Variants in NCAM1 observed in about 807,000 individuals in gnomAD.
The protein encoded by NCAM1 is antigen recognized by monoclonal antibody 5.1H11.
A neutral mutation model predicts 109.8 loss-of-function variants in NCAM1; 14 were observed. The observed-to-expected ratio is 0.13, with a 90% confidence interval of 0.08 to 0.20. The LOEUF (loss-of-function observed/expected upper bound fraction) is 0.20. Among genes scored for constraint, NCAM1 ranks in the 10% least tolerant of loss-of-function variants. The pLI is 1.00. For synonymous variants in NCAM1, 418 were observed against 442.9 expected, an observed-to-expected ratio of 0.94 and a Z score of 0.70; for missense variants, 774 against 1,109.9, an observed-to-expected ratio of 0.70 and a Z score of 4.30.
chr11:113,180,742 A>G (rs1555107825), intron 1 of NCAM1, among the ~76,000 whole-genome samples: 1 of 152,228 alleles, frequency 6.6e-6, no homozygotes, highest in South Asian at 2.1e-4. Flanking sequence ...AAGAGAAAGG[A>G]AATGGACTTT....
Position 113,277,175 on chromosome 11 carries a change from C to A in NCAM1, c.*1788C>A. On this transcript the variant is annotated 3_prime_UTR_variant, in exon 20 of 20. Transcript: ENST00000316851. ...TGCGCTCCTCTCCTAAGGTACAAAG[C>A]AGCAAGAGGTTAGGGTGGCAAGGCT... 1 of 396,772 alleles carries A rather than the reference C, an allele frequency of 2.5e-6. No individual in the cohort carries two copies. Among genetic ancestry groups the A allele is most frequent in the Non-Finnish European group, 4.4e-6 (1 of 225,210 alleles). 24.6% of individuals were successfully genotyped at this position (396,772 alleles called of 1,614,324 possible). A position where few individuals can be genotyped will look rare whatever the true frequency, so the allele number is the denominator to read the frequency against.
Position 113,275,496 on chromosome 11 carries a change from A to G in NCAM1, c.*109A>G. ...CACGCACGCACACACACAAACACAC[A>G]TGCACACACACACATCTCATTTCTC... is the stretch of plus-strand genomic sequence containing the variant. On this transcript the variant is annotated 3_prime_UTR_variant, in exon 20 of 20. Transcript: ENST00000316851. The G allele has an allele frequency of 1.6e-6, 2 of 1,288,024 alleles. No individual in the cohort carries two copies. Among genetic ancestry groups the G allele is most frequent in the South Asian group, 2.9e-5 (2 of 69,588 alleles). The allele number at this position is 1,288,024 out of a possible 1,614,324, so 79.8% of individuals were successfully genotyped here.
Position 113,060,115 on chromosome 11 carries a change from T to C in NCAM1, c.52+98451T>C, listed in dbSNP as rs76228155. Among the ~76,000 whole-genome samples, 231 of 152,370 alleles carry C rather than the reference T, an allele frequency of 1.5e-3. 7 individuals are homozygous for C. The East Asian group carries it at 0.037, about 24-fold the overall frequency. ...TTTAAGATTAAATTATTCCTGACTT[T>C]ATAATATTTGTCTCTAGGTTTTGTA... is the stretch of plus-strand genomic sequence containing the variant. On this transcript the variant is annotated intron_variant, in intron 1 of 19. Transcript: ENST00000316851.
chr11:113,273,112 C>G lies in NCAM1; in HGVS notation c.2456+1236C>G. ...GCCACGGCCACGCCTGACTCAAACT[C>G]TGTACCGGCTGGCCAGGCCACCCCT... is the stretch of plus-strand genomic sequence containing the variant. On this transcript the variant is annotated intron_variant, in intron 19 of 19. Transcript: ENST00000316851. This position sits in a 1 kb window ranked among gnomAD's most constrained non-coding sequence, Gnocchi z 6.0. The G allele has an allele frequency of 2.2e-6, 1 of 454,354 alleles. No homozygotes were observed. The highest frequency in any genetic ancestry group is 4.4e-6 in the Non-Finnish European group (1 of 225,162). The allele number at this position is 454,354 out of a possible 1,614,324, so 28.1% of individuals were successfully genotyped here.
chr11:113,064,368 C>T lies in NCAM1; in HGVS notation c.52+102704C>T, dbSNP rs184344257. Among the ~76,000 whole-genome samples, 151 of 152,274 alleles carry T rather than the reference C, an allele frequency of 9.9e-4. 1 individual carries two copies. Among genetic ancestry groups the T allele is most frequent in the Middle Eastern group, 3.4e-3 (1 of 294 alleles). On this transcript the variant is annotated intron_variant, in intron 1 of 19. Coordinates refer to ENST00000316851, the MANE Select transcript of NCAM1 (RefSeq NM_181351.5). ...CTGCTTAATCTTTCAAGAGGACATA[C>T]TTGGGGTAAAAGAATACATCTAAAC...
At chr11:113,254,442 C>T (rs116773778) in intron 15 of NCAM1, among the ~76,000 whole-genome samples, 2,972 of 152,328 alleles carry the variant, frequency 0.02, 119 homozygotes, top group African/African-American at 0.068. Flanking sequence ...TAAATGTGCA[C>T]AGAGATCACT....
chr11:112,997,849 A>G (rs1035756403), intron 1 of NCAM1, among the ~76,000 whole-genome samples: 3 of 152,212 alleles, frequency 2.0e-5, no homozygotes, highest in Non-Finnish European at 4.4e-5. Context: ...TCTGTTTCAA[A>G]GAGTATAGTT....
intron 19 of NCAM1, 99 bp downstream of exon 19, chr11:113,271,975 G>C (rs1425334496): frequency 1.3e-6 from 1 of 778,034 alleles, no homozygotes. Flanking sequence ...CACAGCTCCC[G>C]GCCAAACAGT....
chr11:113,148,829 C>T (rs1024257872), intron 1 of NCAM1, among the ~76,000 whole-genome samples: 1 of 152,146 alleles, frequency 6.6e-6, no homozygotes, highest in Non-Finnish European at 1.5e-5. Flanking sequence ...GGCAAGGGCT[C>T]CTCCCCTCTG....
rs3781877 is a variant in NCAM1 at position 113,231,020 on chromosome 11, G to A, written c.1090-625G>A. ...TAGGACTCTCTGTGCCATTGTCCCT[G>A]GAGAGAGAACCCAGTTACTCTCACT... On this transcript the variant is annotated intron_variant, in intron 9 of 19. Transcript: ENST00000316851. 6.6e-4 allele frequency among the ~76,000 whole-genome samples: 100 copies of A among 152,332 alleles called. 2 individuals carry two copies. The East Asian group carries it at 0.017, about 26-fold the overall frequency.
At chr11:112,976,841 G>T (rs1951021265) in intron 1 of NCAM1, among the ~76,000 whole-genome samples, 1 of 151,828 alleles carries the variant, frequency 6.6e-6, no homozygotes, top group South Asian at 2.1e-4. Context: ...ATCTGTAGAA[G>T]TTGTTTTTTA....
chr11:113,169,249 C>T (rs1008554086), intron 1 of NCAM1, among the ~76,000 whole-genome samples: 1 of 152,090 alleles, frequency 6.6e-6, no homozygotes, highest in Non-Finnish European at 1.5e-5. Flanking sequence ...TGTTTGCCCA[C>T]GTTATGAGGC....
intron 1 of NCAM1, among the ~76,000 whole-genome samples, chr11:113,129,944 G>C (rs1941323925): frequency 6.6e-6 from 1 of 152,178 alleles, no homozygotes. Context: ...GGACACACAG[G>C]CTTGCCCTTT....
chr11:113,189,787 G>A (rs565932095), intron 1 of NCAM1, among the ~76,000 whole-genome samples: 1 of 151,530 alleles, frequency 6.6e-6, no homozygotes, highest in South Asian at 2.1e-4. Flanking sequence ...TGAGGGAGGA[G>A]GAAAGTCTTA....
At position 113,181,598 on chromosome 11, in the gene NCAM1, CT is replaced by C. The variant is rs1227438651; in HGVS notation, c.53-20780del. On this transcript the variant is annotated intron_variant, in intron 1 of 19. Coordinates refer to ENST00000316851, the MANE Select transcript of NCAM1 (RefSeq NM_181351.5). ...CTTAATACCTAAGTAATGGATTGAT[CT>C]GTGCAGCAAACCACCATGGCGCATG... Among the ~76,000 whole-genome samples the C allele has an allele frequency of 3.3e-5, 5 of 152,112 alleles. No homozygotes were observed. In the East Asian group the frequency reaches 7.7e-4, roughly 23 times the overall value.
chr11:112,993,532 T>G (rs535250951), intron 1 of NCAM1, among the ~76,000 whole-genome samples: 1 of 152,340 alleles, frequency 6.6e-6, no homozygotes, highest in African/African-American at 2.4e-5. Flanking sequence ...GTCTCTTGAT[T>G]CCTCATTTTG....
At chr11:113,138,267 A>G (rs916451717) in intron 1 of NCAM1, among the ~76,000 whole-genome samples, 1 of 152,202 alleles carries the variant, frequency 6.6e-6, no homozygotes, top group African/African-American at 2.4e-5. Context: ...TGAGAGATGA[A>G]TGTGTAAATC....
chr11:113,257,420 A>C (rs1555122525), intron 16 of NCAM1, among the ~76,000 whole-genome samples: 1 of 152,240 alleles, frequency 6.6e-6, no homozygotes, highest in Non-Finnish European at 1.5e-5. Flanking sequence ...TAGCTTATTG[A>C]GTTGTTATAA....
At chr11:113,026,882 G>C (rs1952562325) in intron 1 of NCAM1, among the ~76,000 whole-genome samples, 1 of 152,190 alleles carries the variant, frequency 6.6e-6, no homozygotes, top group Admixed American at 6.5e-5. Context: ...CCTCATGCCA[G>C]ATATTTAGTA....
Sources: allele counts gnomAD v4.1 joint callset (sites outside exome capture counted in the v4.1 genomes callset), GRCh38; gene constraint gnomAD v4.1.1; non-coding constraint Gnocchi (gnomAD v3.1); transcripts MANE v1.5; gene names NCBI Gene and HGNC (gene_info 2026-07-23, HGNC 2026-07-21).